GRM7: variants seen among roughly 807,000 people sequenced by gnomAD.
The protein encoded by GRM7 is metabotropic glutamate receptor 7.
GRM7 carries 35 observed loss-of-function variants against 84.5 expected under a neutral mutation model. The observed-to-expected ratio is 0.41, with a 90% CI of 0.32 to 0.55. GRM7 has a LOEUF of 0.55. GRM7 is among the 20% of genes least tolerant of loss of function. GRM7 has a pLI of 0.19. For missense variants in GRM7, 1,003 were observed against 1,194.6 expected (o/e 0.84, Z 2.36); for synonymous variants, 487 against 455.1 (o/e 1.07, Z -0.89).
chr3:6,891,986 T>A (rs2124985207), intron 1 of GRM7, among the ~76,000 whole-genome samples: 1 of 152,342 alleles, frequency 6.6e-6, no homozygotes, highest in Non-Finnish European at 1.5e-5. Context: ...ATTCATTTCA[T>A]CTTCCATCAC....
intron 5 of GRM7, among the ~76,000 whole-genome samples, chr3:7,422,207 T>C (rs992361752): frequency 3.6e-4 from 55 of 152,140 alleles, no homozygotes; most frequent in African/African-American, 1.3e-3. Flanking sequence ...TTTTAGGCAT[T>C]ATGGGTCAGG....
At chr3:7,231,155 G>A (rs910493986) in intron 2 of GRM7, among the ~76,000 whole-genome samples, 1 of 152,152 alleles carries the variant, frequency 6.6e-6, no homozygotes, top group Non-Finnish European at 1.5e-5. Flanking sequence ...ACCCGTCTTG[G>A]AAGGCTCTGG....
intron 2 of GRM7, among the ~76,000 whole-genome samples, chr3:7,227,294 G>A (rs887566636): frequency 6.6e-6 from 1 of 152,102 alleles, no homozygotes; most frequent in East Asian, 1.9e-4. Flanking sequence ...TAAAATAAAG[G>A]ACAATCTATT....
chr3:7,481,688 C>T (rs979466810), intron 7 of GRM7, among the ~76,000 whole-genome samples: 10 of 152,148 alleles, frequency 6.6e-5, no homozygotes, highest in African/African-American at 2.4e-4. Flanking sequence ...GGGAAGAATC[C>T]TCTCTCAGGA....
chr3:7,299,265 A>G (rs1348987316), intron 3 of GRM7, among the ~76,000 whole-genome samples: 3 of 152,090 alleles, frequency 2.0e-5, no homozygotes, highest in African/African-American at 7.2e-5. Flanking sequence ...TTTTCTTTTC[A>G]GAACTTGATC....
chr3:7,568,493 G>A (rs1451948247), intron 7 of GRM7, among the ~76,000 whole-genome samples: 1 of 152,244 alleles, frequency 6.6e-6, no homozygotes, highest in East Asian at 1.9e-4. Flanking sequence ...CGCCCACTCT[G>A]GCCACACTTG....
intron 4 of GRM7, among the ~76,000 whole-genome samples, chr3:7,361,370 C>T (rs1224620182): frequency 6.6e-6 from 1 of 152,102 alleles, no homozygotes; most frequent in African/African-American, 2.4e-5. Flanking sequence ...CAAGGTCACT[C>T]AGGGACATCT....
chr3:7,483,317 G>T (rs1699203433), intron 7 of GRM7, among the ~76,000 whole-genome samples: 1 of 152,214 alleles, frequency 6.6e-6, no homozygotes, highest in African/African-American at 2.4e-5. Context: ...CTTTGGATTG[G>T]AAGGCCAGGC....
chr3:7,069,714 C>T (rs1697793637), intron 1 of GRM7, among the ~76,000 whole-genome samples: 1 of 152,012 alleles, frequency 6.6e-6, no homozygotes, highest in African/African-American at 2.4e-5. Flanking sequence ...GTGTGGATTT[C>T]TGAATAGTGT....
chr3:7,091,724 C>G (rs2125009492), intron 1 of GRM7, among the ~76,000 whole-genome samples: 1 of 58,570 alleles, frequency 1.7e-5, no homozygotes, highest in South Asian at 5.0e-4. Flanking sequence ...TAAAGCCAGA[C>G]ATTGAATGTC....
chr3:7,696,281 G>T (rs544487645), intron 9 of GRM7, among the ~76,000 whole-genome samples: 14 of 152,296 alleles, frequency 9.2e-5, no homozygotes, highest in Admixed American at 2.6e-4. Context: ...TGCCAGAAAT[G>T]ATGTTCTCTT....
In GRM7 at chr3:7,150,772, TTTA is replaced by T. The variant is rs145048786; in HGVS notation, c.736+4105_736+4107del. On this transcript the variant is annotated intron_variant, in intron 2 of 9. Coordinates refer to ENST00000357716, the MANE Select transcript of GRM7 (RefSeq NM_000844.4). ...CAGCAAAAATGACCTAAATTAGACATTTAAAACTCCTTTATCAAAGTGAGGGTC... is the reference window on the plus strand; with the variant it reads ...CAGCAAAAATGACCTAAATTAGACATAAACTCCTTTATCAAAGTGAGGGTC... Among the ~76,000 whole-genome samples the T allele has an allele frequency of 1.9e-3, 295 of 152,304 alleles. 5 individuals are homozygous for T. In the East Asian group the frequency reaches 0.028, roughly 15 times the overall value.
chr3:7,435,757 G>A (rs1219797271), intron 5 of GRM7, among the ~76,000 whole-genome samples: 1 of 137,060 alleles, frequency 7.3e-6, no homozygotes, highest in Non-Finnish European at 1.5e-5. Context: ...GCACGATCTT[G>A]GCTCACTGCA....
chr3:7,602,429 A>T (rs1490569576), intron 8 of GRM7, among the ~76,000 whole-genome samples: 4 of 152,154 alleles, frequency 2.6e-5, no homozygotes, highest in Non-Finnish European at 5.9e-5. Flanking sequence ...TCTGATTATC[A>T]TCTACTGAGA....
At chr3:7,106,903 T>G (rs1692669803) in intron 1 of GRM7, among the ~76,000 whole-genome samples, 1 of 152,042 alleles carries the variant, frequency 6.6e-6, no homozygotes, top group Non-Finnish European at 1.5e-5. Context: ...ATGAGAAGAA[T>G]AAATCATGCC....
intron 5 of GRM7, among the ~76,000 whole-genome samples, chr3:7,444,168 C>T (rs1424038384): frequency 6.6e-6 from 1 of 152,140 alleles, no homozygotes; most frequent in Non-Finnish European, 1.5e-5. Context: ...CCTGAAAGTT[C>T]AACCTGAATA....
rs112553036 is a variant in GRM7, at chr3:7,645,454, T to G, written c.2452-34595T>G. Among the ~76,000 whole-genome samples, 646 of 143,720 alleles carry G rather than the reference T, an allele frequency of 4.5e-3. 7 individuals carry two copies. The highest frequency in any genetic ancestry group is 0.015 in the African/African-American group (566 of 38,226). The allele number at this position is 143,720 out of a possible 152,430, so 94.3% of individuals were successfully genotyped here. On this transcript the variant is annotated intron_variant, in intron 8 of 9. Transcript: ENST00000357716. Reference sequence around the variant, plus strand: ...CCCAGCTACTCGGGAGGCTAAGGCATGAGAATCACTTGAACCCAGGAGTCA... The same window carrying G: ...CCCAGCTACTCGGGAGGCTAAGGCAGGAGAATCACTTGAACCCAGGAGTCA...
intron 5 of GRM7, among the ~76,000 whole-genome samples, chr3:7,431,743 A>G (rs1048902125): frequency 1.3e-5 from 2 of 152,198 alleles, no homozygotes; most frequent in Non-Finnish European, 2.9e-5. Context: ...GAGTGTAGAA[A>G]ACATTGCATG....
intron 4 of GRM7, among the ~76,000 whole-genome samples, chr3:7,328,641 C>T (rs920141167): frequency 7.2e-5 from 11 of 152,158 alleles, no homozygotes; most frequent in African/African-American, 2.7e-4. Context: ...AGTGCCAGCC[C>T]TAGACTTTCT....
Sources: allele counts gnomAD v4.1 joint callset (sites outside exome capture counted in the v4.1 genomes callset), GRCh38; gene constraint gnomAD v4.1.1; transcripts MANE v1.5; gene names NCBI Gene and HGNC (gene_info 2026-07-23, HGNC 2026-07-21).